Variants in SLIT3 observed in about 807,000 individuals in gnomAD.
SLIT3 encodes the protein slit guidance ligand 3, also known as slit homolog 3 protein.
SLIT3 carries 68 observed loss-of-function variants against 184.0 expected under a neutral mutation model. That is an observed-to-expected ratio of 0.37 (90% CI 0.30 to 0.45). SLIT3 has a LOEUF of 0.45. Ranked by LOEUF, SLIT3 falls within the 20% of genes least tolerant of loss-of-function variation. The probability of loss-of-function intolerance (pLI) is 1.00; values close to 1 mark genes in which losing one functional copy is unlikely to be tolerated. For synonymous variants in SLIT3, 831 were observed against 828.6 expected (o/e 1.00, Z -0.05); for missense variants, 1,707 against 2,026.0 (o/e 0.84, Z 3.02).
rs182565236 is a variant in SLIT3 at position 168,949,847 on chromosome 5, C to T, written c.414-66511G>A. ...ACTCAAGTGATCCACCCACCTCAGCCTCCCAAAGTGCTGGGATTACAGGTG... is the reference window on the plus strand; with the variant it reads ...ACTCAAGTGATCCACCCACCTCAGCTTCCCAAAGTGCTGGGATTACAGGTG... On this transcript the variant is annotated intron_variant, in intron 4 of 35. Transcript: ENST00000519560. Among the ~76,000 whole-genome samples the T allele has an allele frequency of 4.0e-3, 602 of 152,316 alleles. 1 individual carries two copies. Among genetic ancestry groups the T allele is most frequent in the African/African-American group, 0.013 (559 of 41,574 alleles).
chr5:169,080,289 A>G (rs953361930), intron 4 of SLIT3, among the ~76,000 whole-genome samples: 3 of 152,166 alleles, frequency 2.0e-5, no homozygotes, highest in Admixed American at 6.5e-5. Context: ...GGCTAAGGAG[A>G]GCGTGTTTGT....
intron 3 of SLIT3, among the ~76,000 whole-genome samples, chr5:169,243,784 G>A (rs768326595): frequency 6.6e-6 from 1 of 152,192 alleles, no homozygotes; most frequent in Non-Finnish European, 1.5e-5. Flanking sequence ...AGAGCCGTGA[G>A]CTGTTGCAGC....
chr5:169,206,845 A>G (rs555350521), intron 3 of SLIT3, among the ~76,000 whole-genome samples: 1 of 152,292 alleles, frequency 6.6e-6, no homozygotes, highest in South Asian at 2.1e-4. Context: ...TCTATAACTA[A>G]TTAGAATTTT....
At chr5:169,079,469 T>C (rs1224066395) in intron 4 of SLIT3, among the ~76,000 whole-genome samples, 2 of 63,836 alleles carry the variant, frequency 3.1e-5, no homozygotes, top group Non-Finnish European at 5.6e-5. Context: ...AGGTGGAAGA[T>C]GGAGAAAGGG....
At chr5:168,897,647 T>TGCGCACACACACACACACACAC (rs3223457) in intron 4 of SLIT3, among the ~76,000 whole-genome samples, 17 of 141,414 alleles carry the variant, frequency 1.2e-4, no homozygotes, top group Admixed American at 2.1e-4. Flanking sequence ...CAGGTGCACG[T>TGCGCACACACACACACACACAC]ACACACACAC....
chr5:169,294,611 A>C (rs570521539), intron 1 of SLIT3, among the ~76,000 whole-genome samples: 1 of 152,234 alleles, frequency 6.6e-6, no homozygotes, highest in Non-Finnish European at 1.5e-5. Flanking sequence ...GAAGATATAA[A>C]GGTAATAGCC....
chr5:169,254,816 G>A (rs148739885), intron 1 of SLIT3, among the ~76,000 whole-genome samples: 2 of 152,344 alleles, frequency 1.3e-5, no homozygotes, highest in African/African-American at 2.4e-5. Flanking sequence ...CACATTAGGT[G>A]CAGATACCTT....
At chr5:168,752,269 C>T (rs1754743373) in intron 18 of SLIT3, 1 of 152,626 alleles carries the variant, frequency 6.6e-6, no homozygotes, top group African/African-American at 2.4e-5. Flanking sequence ...TTGCGACCAA[C>T]CACAGGGCCC....
intron 6 of SLIT3, among the ~76,000 whole-genome samples, chr5:168,832,525 T>C (rs1757914423): frequency 1.3e-5 from 2 of 152,228 alleles, no homozygotes; most frequent in East Asian, 3.8e-4. Context: ...TTGGCATCTT[T>C]TGATACAAAT....
intron 6 of SLIT3, among the ~76,000 whole-genome samples, chr5:168,837,677 C>T (rs1043866197): frequency 1.3e-5 from 2 of 152,146 alleles, no homozygotes; most frequent in African/African-American, 4.8e-5. Context: ...CCACTTAGTA[C>T]GTGCCAGGAG....
chr5:169,116,300 T>C (rs898339593), intron 4 of SLIT3, among the ~76,000 whole-genome samples: 2 of 152,140 alleles, frequency 1.3e-5, no homozygotes, highest in African/African-American at 2.4e-5. Flanking sequence ...AAGAGCTCAA[T>C]GGTCTGGTTC....
intron 1 of SLIT3, among the ~76,000 whole-genome samples, chr5:169,252,896 C>A (rs971510295): frequency 6.6e-6 from 1 of 152,062 alleles, no homozygotes; most frequent in Admixed American, 6.6e-5. Context: ...GATTAATCTC[C>A]TGGTATCAGA....
intron 4 of SLIT3, chr5:169,119,996 T>C (rs1397966198): frequency 6.6e-6 from 1 of 152,210 alleles, no homozygotes; most frequent in Admixed American, 6.5e-5. Flanking sequence ...AAGCTCTTCA[T>C]AGCTACGTTC....
chr5:169,270,710 T>C (rs928082654), intron 1 of SLIT3, among the ~76,000 whole-genome samples: 1 of 152,100 alleles, frequency 6.6e-6, no homozygotes, highest in African/African-American at 2.4e-5. Context: ...AAAATAAGAA[T>C]AACAAGCACA....
chr5:169,283,982 C>T (rs987189881), intron 1 of SLIT3, among the ~76,000 whole-genome samples: 9 of 151,978 alleles, frequency 5.9e-5, no homozygotes, highest in Non-Finnish European at 1.2e-4. Flanking sequence ...GTCCCAGGAA[C>T]TACCCGGGAA....
chr5:169,082,181 A>G (rs17734823), intron 4 of SLIT3, among the ~76,000 whole-genome samples: 6,384 of 152,290 alleles, frequency 0.042, 434 homozygotes, highest in East Asian at 0.25. Flanking sequence ...ATCCTCGAGT[A>G]GAAGCCATGT....
chr5:169,270,150 C>A (rs1241241831), intron 1 of SLIT3, among the ~76,000 whole-genome samples: 1 of 152,192 alleles, frequency 6.6e-6, no homozygotes, highest in African/African-American at 2.4e-5. Context: ...AATTTTTACT[C>A]TTTCCTCAAA....
intron 9 of SLIT3, among the ~76,000 whole-genome samples, chr5:168,797,224 A>C (rs1255508847): frequency 6.6e-6 from 1 of 152,024 alleles, no homozygotes; most frequent in African/African-American, 2.4e-5. Context: ...GAGAAGTTCC[A>C]AGGACATGCT....
chr5:168,910,185 T>G (rs1309119041), intron 4 of SLIT3, among the ~76,000 whole-genome samples: 2 of 152,240 alleles, frequency 1.3e-5, no homozygotes, highest in Non-Finnish European at 2.9e-5. Flanking sequence ...AGGCTAGCTA[T>G]GTAGTGAAGT....
Sources: gnomAD v4.1 joint callset for allele counts (sites outside exome capture counted in the v4.1 genomes callset) on GRCh38, gnomAD v4.1.1 for gene constraint, MANE v1.5 for transcripts, NCBI Gene and HGNC (gene_info 2026-07-23, HGNC 2026-07-21) for gene names.